Variants in POC1A observed in about 807,000 individuals in gnomAD.
POC1A encodes POC1 centriolar protein homolog A.
In POC1A, 34 loss-of-function variants were observed where a neutral mutation model predicts 47.8. The observed-to-expected ratio is 0.71, with a 90% CI of 0.54 to 0.95. The LOEUF is 0.95. Ranked by LOEUF, POC1A falls within the 40% of genes least tolerant of loss-of-function variation. The pLI, the probability that POC1A is intolerant of heterozygous loss-of-function variation, is 0.00. For synonymous variants in POC1A, 177 were observed against 207.6 expected, an observed-to-expected ratio of 0.85 and a Z score of 1.27; for missense variants, 466 against 528.3, an observed-to-expected ratio of 0.88 and a Z score of 1.16.
At chr3:52,135,334 C>T (rs1023970074) in intron 7 of POC1A, among the ~76,000 whole-genome samples, 8 of 152,222 alleles carry the variant, frequency 5.3e-5, no homozygotes, top group East Asian at 3.8e-4. Flanking sequence ...TAAGGCTCCT[C>T]GATTGCACTA....
intron 9 of POC1A, among the ~76,000 whole-genome samples, chr3:52,113,458 T>C (rs1364155497): frequency 1.3e-5 from 2 of 152,232 alleles, no homozygotes; most frequent in Admixed American, 6.5e-5. Flanking sequence ...ATCCCAGCAT[T>C]TTGGTAGGCC....
chr3:52,097,582 T>C (rs985729055), intron 9 of POC1A, among the ~76,000 whole-genome samples: 4 of 152,230 alleles, frequency 2.6e-5, no homozygotes, highest in African/African-American at 9.6e-5. Flanking sequence ...AGTTCCTCTG[T>C]GGACTTGTTC....
At chr3:52,115,492 G>A (rs1703530491) in intron 9 of POC1A, among the ~76,000 whole-genome samples, 1 of 152,152 alleles carries the variant, frequency 6.6e-6, no homozygotes, top group Non-Finnish European at 1.5e-5. Context: ...AGCGACCCAA[G>A]TCCTCCCAAA....
intron 6 of POC1A, among the ~76,000 whole-genome samples, chr3:52,139,390 T>C (rs1306311828): frequency 6.6e-6 from 1 of 152,076 alleles, no homozygotes. Context: ...AACCCCACCA[T>C]CTTTTCTGGT....
At chr3:52,138,107 C>G in intron 7 of POC1A, 62 bp downstream of exon 7, 1 of 1,583,138 alleles carries the variant, frequency 6.3e-7, no homozygotes. Context: ...ATCTTGCCCA[C>G]TGCCCAGACA....
At chr3:52,149,753 T>TG in intron 3 of POC1A, 63 bp downstream of exon 3, 1 of 1,503,466 alleles carries the variant, frequency 6.7e-7, no homozygotes, top group Non-Finnish European at 9.1e-7. Context: ...GGGACCTGGG[T>TG]GGGGATGGCT....
At chr3:52,131,333 C>T (rs1441041877) in intron 7 of POC1A, among the ~76,000 whole-genome samples, 1 of 152,154 alleles carries the variant, frequency 6.6e-6, no homozygotes, top group African/African-American at 2.4e-5. Flanking sequence ...GAAGCCCTTC[C>T]CTCTCCTGAC....
intron 9 of POC1A, among the ~76,000 whole-genome samples, chr3:52,107,882 C>A (rs1703242425): frequency 6.6e-6 from 1 of 152,070 alleles, no homozygotes; most frequent in South Asian, 2.1e-4. Flanking sequence ...AAATAGGGAC[C>A]CCATTTGAAC....
At chr3:52,137,001 A>C (rs1009591511) in intron 7 of POC1A, among the ~76,000 whole-genome samples, 3 of 152,196 alleles carry the variant, frequency 2.0e-5, no homozygotes, top group Non-Finnish European at 4.4e-5. Flanking sequence ...CCTCCTGGGC[A>C]TAAGATCCCA....
intron 9 of POC1A, among the ~76,000 whole-genome samples, chr3:52,117,998 T>C (rs924583381): frequency 1.3e-5 from 2 of 151,820 alleles, no homozygotes; most frequent in Non-Finnish European, 2.9e-5. Context: ...AGCAAGAGGG[T>C]GGACAAGAAT....
chr3:52,140,543 C>A (rs1698158557), intron 6 of POC1A, among the ~76,000 whole-genome samples: 1 of 152,226 alleles, frequency 6.6e-6, no homozygotes, highest in Non-Finnish European at 1.5e-5. Context: ...CAGGGGCCCC[C>A]ACCTGGTCAA....
intron 10 of POC1A, 116 bp downstream of exon 10, chr3:52,096,453 G>A: frequency 1.1e-6 from 1 of 906,164 alleles, no homozygotes; most frequent in Non-Finnish European, 1.6e-6. Flanking sequence ...CTGGAAAACA[G>A]GTCCGTTATA....
rs754399179 is a variant in POC1A, at chr3:52,080,002, G to A, written c.1126-4017C>T. Among the ~76,000 whole-genome samples, 16 of 152,262 alleles carry A rather than the reference G, an allele frequency of 1.1e-4. No homozygotes were observed. In the Middle Eastern group the frequency reaches 0.01, roughly 97 times the overall value. On this transcript the variant is annotated intron_variant, in intron 10 of 10. Transcript: ENST00000296484. ...GAGGTCCTGGGACTGGGCTCAGGGCGGTTCACCCTGATCATTGACCCTCTG... is the reference window on the plus strand; with the variant it reads ...GAGGTCCTGGGACTGGGCTCAGGGCAGTTCACCCTGATCATTGACCCTCTG...
At chr3:52,109,016 G>C (rs1703287054) in intron 9 of POC1A, among the ~76,000 whole-genome samples, 1 of 152,144 alleles carries the variant, frequency 6.6e-6, no homozygotes, top group Non-Finnish European at 1.5e-5. Flanking sequence ...TCAGGAGTGT[G>C]GTGTGAGCCC....
chr3:52,095,550 C>G (rs1201233504), intron 10 of POC1A, among the ~76,000 whole-genome samples: 1 of 152,142 alleles, frequency 6.6e-6, no homozygotes, highest in Non-Finnish European at 1.5e-5. Context: ...GCTTTAACAC[C>G]TCTTTTCCTC....
intron 10 of POC1A, among the ~76,000 whole-genome samples, chr3:52,095,026 T>C (rs1217421427): frequency 6.6e-6 from 1 of 152,228 alleles, no homozygotes; most frequent in Non-Finnish European, 1.5e-5. Context: ...GTTATACTCC[T>C]CTGGATCCAA....
intron 10 of POC1A, among the ~76,000 whole-genome samples, chr3:52,089,582 C>A (rs989528546): frequency 6.6e-6 from 1 of 152,102 alleles, no homozygotes; most frequent in Admixed American, 6.5e-5. Flanking sequence ...GAGAGGGGGC[C>A]CATTTTTGCA....
At chr3:52,141,385 T>A (rs1030649348) in intron 6 of POC1A, among the ~76,000 whole-genome samples, 3 of 152,168 alleles carry the variant, frequency 2.0e-5, no homozygotes, top group African/African-American at 7.2e-5. Flanking sequence ...CATCCCAACA[T>A]CCTTCCACAA....
At chr3:52,081,342 G>C (rs562127690) in intron 10 of POC1A, among the ~76,000 whole-genome samples, 1 of 152,098 alleles carries the variant, frequency 6.6e-6, no homozygotes, top group Non-Finnish European at 1.5e-5. Context: ...CCTTGCCCTC[G>C]CTCTTCCCTT....
Sources: gnomAD v4.1 joint callset for allele counts (sites outside exome capture counted in the v4.1 genomes callset) on GRCh38, gnomAD v4.1.1 for gene constraint, MANE v1.5 for transcripts, NCBI Gene and HGNC (gene_info 2026-07-23, HGNC 2026-07-21) for gene names.